Variants in TMEM182 observed in about 807,000 individuals in gnomAD.
TMEM182 encodes the protein transmembrane protein 182.
Under a neutral mutation model 26.8 loss-of-function variants are expected in TMEM182, and 20 were observed. The ratio of observed to expected loss-of-function variants is 0.75; its 90% confidence interval spans 0.53 to 1.09. TMEM182 has a LOEUF of 1.09. Among genes scored for constraint, TMEM182 ranks in the 50% least tolerant of loss-of-function variants. The pLI is 0.00. For missense variants in TMEM182, 277 were observed against 275.5 expected (o/e 1.01, Z -0.04); for synonymous variants, 109 against 102.2 (o/e 1.07, Z -0.40).
chr2:102,762,827 A>G, intron 2 of TMEM182, 141 bp downstream of exon 2: 1 of 601,462 alleles, frequency 1.7e-6, no homozygotes, highest in Non-Finnish European at 2.8e-6. Flanking sequence ...TTCATCATGT[A>G]GAGATTCCTT....
At chr2:102,759,739 A>G (rs1014593216), upstream of TMEM182, among the ~76,000 whole-genome samples, 1 of 152,200 alleles carries the variant, frequency 6.6e-6, no homozygotes, top group African/African-American at 2.4e-5. Context: ...AAATTTGTGG[A>G]CAGGGCTCCA....
At chr2:102,759,303 A>G (rs901946352), upstream of TMEM182, among the ~76,000 whole-genome samples, 30 of 152,252 alleles carry the variant, frequency 2.0e-4, no homozygotes, top group African/African-American at 6.7e-4. Context: ...TACAACCACA[A>G]CTGTACAACC....
At chr2:102,772,499 T>C (rs551445649) in intron 3 of TMEM182, among the ~76,000 whole-genome samples, 1 of 152,226 alleles carries the variant, frequency 6.6e-6, no homozygotes, top group African/African-American at 2.4e-5. Flanking sequence ...CTGGGTTGAA[T>C]GTGGGTCCTG....
At position 102,764,399 on chromosome 2, in the gene TMEM182, C is replaced by T. The variant is rs757580140; in HGVS notation, c.303C>T (p.His101=). ...LSPYPFMRGE[H]NSTSYDSAVI... is the part of the protein sequence containing the mutation. ...CGTACCCCTTCATGAGAGGCGAGCA[C>T]AACTCGACCTCCTATGACTCTGCAG... The change falls in exon 3 of 5, where the codon CAC becomes CAT. Residue 101 remains histidine, a synonymous_variant. Coordinates refer to ENST00000412401, the MANE Select transcript of TMEM182 (RefSeq NM_144632.5). The T allele has an allele frequency of 1.9e-6, 3 of 1,613,890 alleles. No homozygotes were observed. The highest frequency in any genetic ancestry group is 4.5e-5 in the East Asian group (2 of 44,870).
intron 3 of TMEM182, among the ~76,000 whole-genome samples, chr2:102,764,795 GTCA>G (rs1226249776): frequency 6.6e-6 from 1 of 151,358 alleles, no homozygotes; most frequent in Non-Finnish European, 1.5e-5. Flanking sequence ...AAAACTTTAT[GTCA>G]TCATTACACA....
chr2:102,804,435 C>T (rs1156551167), intron 4 of TMEM182, among the ~76,000 whole-genome samples: 2 of 152,174 alleles, frequency 1.3e-5, no homozygotes, highest in East Asian at 3.9e-4. Flanking sequence ...CTGAGTTACA[C>T]CTAGAATAAT....
At chr2:102,826,283 C>CGT (rs1683029118) in intron 3 of TMEM182, among the ~76,000 whole-genome samples, 1 of 149,226 alleles carries the variant, frequency 6.7e-6, no homozygotes. Context: ...CCCAGTGCAG[C>CGT]GTACAGTCTG....
intron 3 of TMEM182, among the ~76,000 whole-genome samples, chr2:102,779,989 G>C (rs1681098801): frequency 6.6e-6 from 1 of 151,792 alleles, no homozygotes; most frequent in South Asian, 2.1e-4. Context: ...GGCAATAAGA[G>C]TGAAACTCTG....
chr2:102,802,967 G>A (rs113800443), intron 4 of TMEM182, among the ~76,000 whole-genome samples: 2 of 152,332 alleles, frequency 1.3e-5, no homozygotes, highest in African/African-American at 4.8e-5. Flanking sequence ...TTTCTGGGTG[G>A]AGGAGACTGC....
chr2:102,825,233 G>T (rs1466200079), intron 3 of TMEM182, among the ~76,000 whole-genome samples: 6 of 152,302 alleles, frequency 3.9e-5, no homozygotes, highest in Admixed American at 2.0e-4. Flanking sequence ...TTTCCAAGCT[G>T]TTTTTCTTTA....
chr2:102,801,573 T>TCTCATAAC (rs1558780886), intron 4 of TMEM182, among the ~76,000 whole-genome samples: 1 of 152,244 alleles, frequency 6.6e-6, no homozygotes, highest in East Asian at 1.9e-4. Context: ...ACCGTTGCTA[T>TCTCATAAC]GGTGCCCAGA....
intron 1 of TMEM182, among the ~76,000 whole-genome samples, chr2:102,755,636 G>A (rs2104645882): frequency 6.6e-6 from 1 of 152,266 alleles, no homozygotes; most frequent in East Asian, 1.9e-4. Context: ...TCTTTAAGAT[G>A]AAAAATAACA....
chr2:102,811,896 T>C (rs542401101), intron 4 of TMEM182, among the ~76,000 whole-genome samples: 1 of 152,316 alleles, frequency 6.6e-6, no homozygotes, highest in African/African-American at 2.4e-5. Context: ...CCCGGTTTCA[T>C]GGTGTTTAGG....
At chr2:102,776,844 C>T (rs529714066) in intron 3 of TMEM182, among the ~76,000 whole-genome samples, 4 of 152,214 alleles carry the variant, frequency 2.6e-5, no homozygotes, top group African/African-American at 7.2e-5. Context: ...CTTAGCCATT[C>T]GAATAGGTGT....
At chr2:102,746,320 A>G (rs1679695471) in intron 1 of TMEM182, among the ~76,000 whole-genome samples, 1 of 152,116 alleles carries the variant, frequency 6.6e-6, no homozygotes. Context: ...AGTTCTTTAT[A>G]TGGTCTAAAT....
At chr2:102,745,084 G>A (rs1679652601) in intron 1 of TMEM182, among the ~76,000 whole-genome samples, 3 of 151,228 alleles carry the variant, frequency 2.0e-5, no homozygotes, top group Admixed American at 6.6e-5. Flanking sequence ...ATGTTGGATA[G>A]TGTATTCTTT....
chr2:102,796,944 T>C (rs1681892775), intron 3 of TMEM182, among the ~76,000 whole-genome samples: 1 of 152,256 alleles, frequency 6.6e-6, no homozygotes, highest in South Asian at 2.1e-4. Context: ...TTGACTAATA[T>C]GTTTCACTGA....
At chr2:102,764,589 T>C (rs1439194636) in intron 3 of TMEM182, among the ~76,000 whole-genome samples, 162 bp downstream of exon 3, 1 of 152,214 alleles carries the variant, frequency 6.6e-6, no homozygotes, top group East Asian at 1.9e-4. Flanking sequence ...TAATGTGCCA[T>C]TTATAATTTT....
intron 3 of TMEM182, among the ~76,000 whole-genome samples, chr2:102,784,590 G>A (rs1681310844): frequency 6.6e-6 from 1 of 152,196 alleles, no homozygotes; most frequent in Admixed American, 6.5e-5. Context: ...AGTCTGTAGA[G>A]TAAAGTGAAA....
Sources: gnomAD v4.1 joint callset for allele counts (sites outside exome capture counted in the v4.1 genomes callset) on GRCh38, gnomAD v4.1.1 for gene constraint, MANE v1.5 for transcripts, NCBI Gene and HGNC (gene_info 2026-07-23, HGNC 2026-07-21) for gene names.